LRRC4C: variants seen among roughly 807,000 people sequenced by gnomAD.
The protein encoded by LRRC4C is leucine-rich repeat-containing protein 4C.
A neutral mutation model predicts 33.6 loss-of-function variants in LRRC4C; 5 were observed. The ratio of observed to expected loss-of-function variants is 0.15; its 90% CI spans 0.08 to 0.31. The LOEUF is 0.31. LRRC4C is among the 10% of genes least tolerant of loss of function. The pLI, the probability that LRRC4C is intolerant of heterozygous loss-of-function variation, is 1.00. For missense variants in LRRC4C, 560 were observed against 796.7 expected (o/e 0.70, Z 3.58); for synonymous variants, 329 against 302.0 (o/e 1.09, Z -0.93).
intron 2 of LRRC4C, among the ~76,000 whole-genome samples, chr11:40,783,689 T>C (rs1311923626): frequency 1.3e-5 from 2 of 152,164 alleles, no homozygotes; most frequent in South Asian, 2.1e-4. Context: ...TGCAACAGTT[T>C]TGGAATTTGT....
intron 3 of LRRC4C, among the ~76,000 whole-genome samples, chr11:40,629,052 A>T (rs1963231019): frequency 6.6e-6 from 1 of 152,232 alleles, no homozygotes; most frequent in African/African-American, 2.4e-5. Context: ...CATCTTAAAC[A>T]TTTGACTAAT....
intron 1 of LRRC4C, among the ~76,000 whole-genome samples, chr11:41,448,120 C>CTTTTTT (rs1211366298): frequency 1.3e-4 from 3 of 23,864 alleles, no homozygotes; most frequent in African/African-American, 4.4e-4. Context: ...CTGCACACGT[C>CTTTTTT]TGTTTTTTTT....
At chr11:41,298,333 C>G (rs572638897) in intron 1 of LRRC4C, among the ~76,000 whole-genome samples, 1 of 152,216 alleles carries the variant, frequency 6.6e-6, no homozygotes, top group South Asian at 2.1e-4. Context: ...AAGTCATGCT[C>G]TCCTGGGACT....
chr11:41,187,224 T>C lies in LRRC4C; in HGVS notation c.-495-253501A>G, dbSNP rs535760873. ...GCACTTCTGTTTTCATGCCCAAATG[T>C]TGTATTTCCCAAGACCACCTTGGCC... On this transcript the variant is annotated intron_variant, in intron 1 of 6. Coordinates refer to ENST00000528697, the MANE Select transcript of LRRC4C (RefSeq NM_001258419.2). 1.4e-4 allele frequency among the ~76,000 whole-genome samples: 21 copies of C among 152,308 alleles called. No individual in the cohort carries two copies. In the East Asian group the frequency reaches 3.9e-3, roughly 28 times the overall value.
At chr11:40,374,712 T>G (rs1948591027) in intron 3 of LRRC4C, among the ~76,000 whole-genome samples, 1 of 152,184 alleles carries the variant, frequency 6.6e-6, no homozygotes, top group Non-Finnish European at 1.5e-5. Context: ...GCACTAATTC[T>G]AACATTCCTC....
At position 41,139,167 on chromosome 11, in the gene LRRC4C, C is replaced by A. The variant is rs544512030; in HGVS notation, c.-495-205444G>T. 1.5e-3 allele frequency among the ~76,000 whole-genome samples: 221 copies of A among 152,046 alleles called. 1 individual carries two copies. Among genetic ancestry groups the A allele is most frequent in the African/African-American group, 5.1e-3 (211 of 41,478 alleles). On this transcript the variant is annotated intron_variant, in intron 1 of 6. Transcript: ENST00000528697. ...ATATAGTATTTTTAAAATAAGGATACAATAATTACATAAACAAGATTTTAT... is the reference window on the plus strand; with the variant it reads ...ATATAGTATTTTTAAAATAAGGATAAAATAATTACATAAACAAGATTTTAT...
intron 3 of LRRC4C, among the ~76,000 whole-genome samples, chr11:40,401,313 C>T (rs7930863): frequency 0.38 from 57,261 of 151,676 alleles, 11,163 homozygotes; most frequent in South Asian, 0.47. Flanking sequence ...ATCTGCCTTT[C>T]GAGAACACAG....
chr11:40,803,880 A>C (rs1951143677), intron 2 of LRRC4C, among the ~76,000 whole-genome samples: 1 of 152,236 alleles, frequency 6.6e-6, no homozygotes, highest in South Asian at 2.1e-4. Context: ...AGAATGGACT[A>C]TCTATCCACT....
At chr11:40,137,919 T>C (rs1857093995) in intron 6 of LRRC4C, among the ~76,000 whole-genome samples, 1 of 152,098 alleles carries the variant, frequency 6.6e-6, no homozygotes, top group Non-Finnish European at 1.5e-5. Flanking sequence ...ATCAGAAAAG[T>C]GAGGGGAGGA....
intron 2 of LRRC4C, among the ~76,000 whole-genome samples, chr11:40,845,927 A>C (rs1953136237): frequency 1.3e-5 from 2 of 151,936 alleles, no homozygotes; most frequent in South Asian, 4.2e-4. Context: ...TTTTCTAATG[A>C]CCAGTGATGA....
At chr11:40,130,239 G>A (rs1361662107) in intron 6 of LRRC4C, among the ~76,000 whole-genome samples, 3 of 152,124 alleles carry the variant, frequency 2.0e-5, no homozygotes, top group East Asian at 1.9e-4. Flanking sequence ...AAATCAGAAT[G>A]CTCCAATGAT....
intron 1 of LRRC4C, among the ~76,000 whole-genome samples, chr11:41,107,748 G>A (rs1469623851): frequency 6.6e-6 from 1 of 152,080 alleles, no homozygotes. Flanking sequence ...GACCAGCCTG[G>A]CCAACATGGC....
intron 1 of LRRC4C, among the ~76,000 whole-genome samples, chr11:41,152,494 A>G (rs1192590009): frequency 6.6e-6 from 1 of 152,158 alleles, no homozygotes; most frequent in Admixed American, 6.5e-5. Flanking sequence ...AATCAGTGGG[A>G]GGCATTAGTA....
Position 40,133,140 on chromosome 11 carries a change from G to A in LRRC4C, c.-43+7661C>T, listed in dbSNP as rs563561323. On this transcript the variant is annotated intron_variant, in intron 6 of 6. Coordinates refer to ENST00000528697, the MANE Select transcript of LRRC4C (RefSeq NM_001258419.2). ...TTCCTTTGGATTGATGACTGGCTGG[G>A]AGGAGTTGATAGTCATTAACCCCCA... Among the ~76,000 whole-genome samples the A allele has an allele frequency of 6.6e-5, 10 of 152,256 alleles. No homozygotes were observed. In the South Asian group the frequency reaches 2.1e-3, roughly 32 times the overall value.
At chr11:40,653,712 A>T (rs1942938706) in intron 2 of LRRC4C, among the ~76,000 whole-genome samples, 1 of 152,228 alleles carries the variant, frequency 6.6e-6, no homozygotes, top group African/African-American at 2.4e-5. Flanking sequence ...GGAGAAATTC[A>T]AGCTCACCAC....
chr11:40,663,382 A>G (rs1420467525), intron 2 of LRRC4C, among the ~76,000 whole-genome samples: 1 of 152,162 alleles, frequency 6.6e-6, no homozygotes, highest in Non-Finnish European at 1.5e-5. Context: ...CACCCAGCCA[A>G]TTTATTTAGT....
chr11:41,395,639 A>C (rs1953779009), intron 1 of LRRC4C, among the ~76,000 whole-genome samples: 1 of 152,030 alleles, frequency 6.6e-6, no homozygotes, highest in African/African-American at 2.4e-5. Context: ...TAAAATATCA[A>C]GATCAAGGAA....
intron 6 of LRRC4C, among the ~76,000 whole-genome samples, chr11:40,134,950 C>G (rs184664954): frequency 6.6e-6 from 1 of 152,066 alleles, no homozygotes; most frequent in African/African-American, 2.4e-5. Flanking sequence ...TAAGGAAACT[C>G]TCTTTAATTG....
intron 1 of LRRC4C, among the ~76,000 whole-genome samples, chr11:41,202,282 T>A (rs1056785508): frequency 6.6e-6 from 1 of 152,138 alleles, no homozygotes; most frequent in African/African-American, 2.4e-5. Flanking sequence ...AGAGGAGGAT[T>A]TCGGGAAATG....
Sources: allele counts gnomAD v4.1 joint callset (sites outside exome capture counted in the v4.1 genomes callset), GRCh38; gene constraint gnomAD v4.1.1; transcripts MANE v1.5; gene names NCBI Gene and HGNC (gene_info 2026-07-23, HGNC 2026-07-21).